The following PCID2 variants were observed in gnomAD, a reference collection of about 807,000 sequenced individuals.
PCID2 encodes the protein PCI domain-containing protein 2.
A neutral mutation model predicts 61.3 loss-of-function variants in PCID2; 41 were observed. The ratio of observed to expected loss-of-function variants is 0.67; its 90% CI spans 0.52 to 0.87. The LOEUF (loss-of-function observed/expected upper bound fraction) is 0.87. PCID2 is among the 40% of genes least tolerant of loss of function. PCID2 has a pLI of 0.00. For missense variants in PCID2, 392 were observed against 493.4 expected (o/e 0.79, Z 1.95); for synonymous variants, 187 against 177.8 (o/e 1.05, Z -0.41).
intron 2 of PCID2, among the ~76,000 whole-genome samples, chr13:113,199,767 T>C (rs1183481068): frequency 6.6e-6 from 1 of 152,180 alleles, no homozygotes; most frequent in Non-Finnish European, 1.5e-5. Context: ...GGTAACTTTA[T>C]TAGAAAAACA....
Position 113,178,231 on chromosome 13 carries a change from C to T in PCID2, c.1167G>A (p.Gln389=), listed in dbSNP as rs760508248. 1 of 1,613,710 alleles carries T rather than the reference C, an allele frequency of 6.2e-7. No homozygotes were observed. Among genetic ancestry groups the T allele is most frequent in the Non-Finnish European group, 8.5e-7 (1 of 1,179,804 alleles). The change falls in exon 14 of 14, where the codon CAG becomes CAA. Residue 389 remains glutamine, a synonymous_variant. Transcript: ENST00000337344. ...HQHQKLVVSK[Q]NPFPPLSTVC ...CCGTGGACAGGGGAGGAAATGGGTT[C>T]TGCTTGCTGACCACCAGCTTCTGAT...
At position 113,179,736 on chromosome 13, in the gene PCID2, T is replaced by A. The variant is rs564186589; in HGVS notation, c.986+181A>T. ...CCAGGCACAGCTTGTGCTACTCACGTGTCTCGCGCAGGGTCCCCAGGAGGC... is the reference window on the plus strand; with the variant it reads ...CCAGGCACAGCTTGTGCTACTCACGAGTCTCGCGCAGGGTCCCCAGGAGGC... On this transcript the variant is annotated intron_variant, in intron 12 of 13. Transcript: ENST00000337344. This position sits in a 1 kb window ranked among gnomAD's most constrained non-coding sequence, Gnocchi z 4.3. Among the ~76,000 whole-genome samples, 1 of 152,316 alleles carries A rather than the reference T, an allele frequency of 6.6e-6. No homozygotes were observed. Among genetic ancestry groups the A allele is most frequent in the African/African-American group, 2.4e-5 (1 of 41,580 alleles).
the PCID2 span, chr13:113,172,370 C>A: frequency 8.1e-6 from 4 of 491,280 alleles, no homozygotes; most frequent in South Asian, 8.3e-5. Flanking sequence ...ATAAGATAAT[C>A]TGTCAGTCAT....
chr13:113,198,337 T>A, intron 2 of PCID2, 73 bp from the exon 3 acceptor site: 5 of 859,868 alleles, frequency 5.8e-6, no homozygotes, highest in Non-Finnish European at 9.5e-6. Context: ...TAGAAAGAGA[T>A]TTAAACCTCT....
intron 1 of PCID2, among the ~76,000 whole-genome samples, chr13:113,201,994 T>G (rs902933505): frequency 6.6e-6 from 1 of 152,176 alleles, no homozygotes; most frequent in African/African-American, 2.4e-5. Flanking sequence ...CACAAGCAGA[T>G]GAGATCCCTC....
Position 113,196,212 on chromosome 13 carries a change from G to C in PCID2, c.277C>G (p.Arg93Gly), listed in dbSNP as rs142488367. 1 of 1,601,108 alleles carries C rather than the reference G, an allele frequency of 6.2e-7. No homozygotes were observed. The change falls in exon 5 of 14, where the codon CGA (arginine) becomes GGA (glycine). Residue 93 changes from arginine to glycine, a missense_variant. Coordinates refer to ENST00000337344, the MANE Select transcript of PCID2 (RefSeq NM_001127202.4). ...TCTTCTTTGTGGGCCTGGAATGCTCGCAAGAATGATGTACTGTATTAAGGA... is the reference window on the plus strand; with the variant it reads ...TCTTCTTTGTGGGCCTGGAATGCTCCCAAGAATGATGTACTGTATTAAGGA... ...CQTVIVQSFL[R>G]AFQAHKEENW...
chr13:113,180,322 A>G, intron 10 of PCID2, 91 bp from the exon 11 acceptor site: 1 of 968,760 alleles, frequency 1.0e-6, no homozygotes, highest in Admixed American at 1.8e-5. Flanking sequence ...AGTTTTAAGA[A>G]AATTGCAACC....
downstream of PCID2, among the ~76,000 whole-genome samples, chr13:113,177,320 A>G (rs564596237): frequency 6.6e-6 from 1 of 152,182 alleles, no homozygotes; most frequent in Admixed American, 6.5e-5. Flanking sequence ...TATTTTTAGT[A>G]GAGACGGGGT....
chr13:113,182,053 G>C (rs2037686215), intron 9 of PCID2, among the ~76,000 whole-genome samples: 1 of 152,180 alleles, frequency 6.6e-6, no homozygotes, highest in African/African-American at 2.4e-5. Flanking sequence ...AGGAAAGTGA[G>C]ATGTTCCTGT....
intron 3 of PCID2, among the ~76,000 whole-genome samples, 161 bp from the exon 4 acceptor site, chr13:113,197,404 G>C (rs532415078): frequency 1.3e-5 from 2 of 152,276 alleles, no homozygotes; most frequent in South Asian, 4.1e-4. Context: ...GAGGATAAGA[G>C]GAAGTCCCAC....
At chr13:113,171,839 T>C in the PCID2 span, 7 of 1,613,498 alleles carry the variant, frequency 4.3e-6, no homozygotes, top group Non-Finnish European at 5.9e-6. The surrounding 1 kb of genome is among the most constrained non-coding windows in gnomAD (Gnocchi z 5.1). Context: ...CCTGGGCAAC[T>C]CGCTGACCAC....
chr13:113,188,759 T>C (rs1405672147), intron 7 of PCID2, among the ~76,000 whole-genome samples: 1 of 152,220 alleles, frequency 6.6e-6, no homozygotes, highest in Non-Finnish European at 1.5e-5. Context: ...AGTTGATTTG[T>C]GAGCCACACT....
chr13:113,203,228 T>C (rs1489857619), intron 1 of PCID2, among the ~76,000 whole-genome samples: 1 of 152,238 alleles, frequency 6.6e-6, no homozygotes, highest in African/African-American at 2.4e-5. Context: ...ATCTGAAGAC[T>C]TGCAGGTTTT....
chr13:113,208,040 T>C (rs1470356733), intron 1 of PCID2: 2 of 1,612,680 alleles, frequency 1.2e-6, no homozygotes, highest in African/African-American at 1.3e-5. Context: ...TTGAACAACA[T>C]CTGTCAGACG....
At chr13:113,187,903 G>GC (rs1244590437) in intron 7 of PCID2, 1 of 152,152 alleles carries the variant, frequency 6.6e-6, no homozygotes, top group African/African-American at 2.4e-5. Flanking sequence ...AGAAGCCACT[G>GC]CCTAATCAAA....
At chr13:113,172,146 C>T in the PCID2 span, 42 of 1,605,370 alleles carry the variant, frequency 2.6e-5, no homozygotes, top group East Asian at 6.7e-5. Flanking sequence ...CAACCGGAAG[C>T]GGGATTCCAA....
chr13:113,173,591 C>T (rs1003981825), downstream of PCID2, among the ~76,000 whole-genome samples: 3 of 152,204 alleles, frequency 2.0e-5, no homozygotes, highest in African/African-American at 2.4e-5. Context: ...CTTTCATTTA[C>T]GCTTTAACCC....
chr13:113,165,597 C>T, the PCID2 span, among the ~76,000 whole-genome samples: 1 of 152,168 alleles, frequency 6.6e-6, no homozygotes, highest in Non-Finnish European at 1.5e-5. Context: ...GTGGTCCAGT[C>T]CCGGCTCACT....
intron 1 of PCID2, chr13:113,208,209 G>T: frequency 6.5e-7 from 1 of 1,539,062 alleles, no homozygotes; most frequent in South Asian, 1.2e-5. Flanking sequence ...CCCGCATCCT[G>T]CTGGGAAACA....
Sources: allele counts gnomAD v4.1 joint callset (sites outside exome capture counted in the v4.1 genomes callset), GRCh38; gene constraint gnomAD v4.1.1; non-coding constraint Gnocchi (gnomAD v3.1); transcripts MANE v1.5; gene names NCBI Gene and HGNC (gene_info 2026-07-23, HGNC 2026-07-21).